CASK: variants seen among roughly 807,000 people sequenced by gnomAD.
CASK encodes calcium/calmodulin dependent serine protein kinase.
Under a neutral mutation model 82.9 loss-of-function variants are expected in CASK, and 4 were observed. The ratio of observed to expected loss-of-function variants is 0.05; its 90% CI spans 0.02 to 0.11. The LOEUF is 0.11. Among genes scored for constraint, CASK ranks in the 10% least tolerant of loss-of-function variants. The pLI is 1.00. For missense variants in CASK, 358 were observed against 720.9 expected (o/e 0.50, Z 5.76); for synonymous variants, 259 against 253.5 (o/e 1.02, Z -0.20).
intron 15 of CASK, among the ~76,000 whole-genome samples, chrX:41,570,438 G>A (rs1385587078): frequency 2.7e-5 from 3 of 111,568 alleles, no homozygotes; most frequent in Non-Finnish European, 5.6e-5. Context: ...TATTTAAAGT[G>A]TACAATTTGA....
rs889994250 is a variant in CASK at position 41,669,378 on chromosome X, C to A, written c.532+2050G>T. 8.1e-5 allele frequency among the ~76,000 whole-genome samples: 9 copies of A among 110,911 alleles called. No homozygotes were observed. In the Admixed American group the frequency reaches 8.6e-4, roughly 11 times the overall value. On this transcript the variant is annotated intron_variant, in intron 6 of 26. Transcript: ENST00000378163. ...TAAACATAATGCATCTATTTTCCCC[C>A]CCAGTCAAGATGTACAATAAAATAC...
intron 21 of CASK, among the ~76,000 whole-genome samples, chrX:41,546,123 G>A (rs969135458): frequency 2.7e-5 from 3 of 111,470 alleles, no homozygotes; most frequent in Admixed American, 1.9e-4. Context: ...ACGGGTGCCT[G>A]CCACCACGCC....
At chrX:41,535,048 G>T in intron 22 of CASK, 75 bp from the exon 23 acceptor site, 1 of 626,463 alleles carries the variant, frequency 1.6e-6, no homozygotes, top group South Asian at 2.6e-5. Context: ...TAATTTTACT[G>T]GCAAAACTAC....
At chrX:41,555,723 A>T (rs2065152200) in intron 19 of CASK, 88 bp from the exon 20 acceptor site, 5 of 653,480 alleles carry the variant, frequency 7.7e-6, no homozygotes, top group Middle Eastern at 6.3e-4. Flanking sequence ...CAATATGGTT[A>T]AAAAAATGAG....
intron 8 of CASK, chrX:41,660,197 CT>C (rs1360575974): frequency 4.7e-6 from 2 of 423,207 alleles, no homozygotes; most frequent in East Asian, 7.5e-5. Flanking sequence ...AGGCCTTCCC[CT>C]GATATATTCT....
intron 2 of CASK, among the ~76,000 whole-genome samples, chrX:41,794,661 G>A (rs2069808359): frequency 8.9e-6 from 1 of 112,243 alleles, no homozygotes; most frequent in African/African-American, 3.2e-5. Flanking sequence ...TGGGATGACA[G>A]AATGCATACA....
At chrX:41,809,628 A>G (rs867355065) in intron 2 of CASK, among the ~76,000 whole-genome samples, 2 of 112,006 alleles carry the variant, frequency 1.8e-5, no homozygotes, top group South Asian at 3.7e-4. Flanking sequence ...ATAAAACCAC[A>G]AAGATAGGGA....
chrX:41,798,136 A>G (rs909062922), intron 2 of CASK, among the ~76,000 whole-genome samples: 4 of 112,133 alleles, frequency 3.6e-5, no homozygotes, highest in Non-Finnish European at 7.5e-5. Flanking sequence ...CCATTTATGT[A>G]TGTGGATATT....
chrX:41,547,726 C>T (rs926642404), intron 21 of CASK, among the ~76,000 whole-genome samples: 1 of 109,715 alleles, frequency 9.1e-6, no homozygotes, highest in African/African-American at 3.3e-5. Flanking sequence ...GGGTCCAAGC[C>T]ATTCTCCTGC....
In CASK at chrX:41,915,156, C is replaced by A. The variant is rs932329624; in HGVS notation, c.59+7774G>T. Reference sequence around the variant, plus strand: ...ACCACGAGCCCTAGAGCAGTCAACCCCCAAGAACTTGTTCACTCAGTTTTA... The same window carrying A: ...ACCACGAGCCCTAGAGCAGTCAACCACCAAGAACTTGTTCACTCAGTTTTA... On this transcript the variant is annotated intron_variant, in intron 1 of 26. Transcript: ENST00000378163. Among the ~76,000 whole-genome samples the A allele has an allele frequency of 4.5e-5, 5 of 110,992 alleles. No individual in the cohort carries two copies. In the Admixed American group the frequency reaches 4.8e-4, roughly 11 times the overall value.
rs983798884 is a variant in CASK at position 41,555,518 on chromosome X, A to G, written c.1842+82T>C. 10 of 759,924 alleles carry G rather than the reference A, an allele frequency of 1.3e-5. No homozygotes were observed. The African/African-American group carries it at 1.9e-4, about 14-fold the overall frequency. The allele number at this position is 759,924 out of a possible 1,213,427, so 62.6% of individuals were successfully genotyped here. ...AAATGTTATGGTCCAAAATGCAAAC[A>G]TTATGGGATGGAAAGGGTTAATAAA... On this transcript the variant is annotated intron_variant, in intron 20 of 26. Transcript: ENST00000378163.
In CASK at chrX:41,559,788, C is replaced by G; in HGVS notation, c.1728G>C (p.Ser576=). ...KIVPSYRTQS[S]SCERDSPSTS... is the part of the protein sequence containing the mutation. ...TTGTTAGAGTCATTACCTCACAGGA[C>G]GAAGACTGAGTGCGGTAACTTGGCA... Residue 576 remains serine (S), a synonymous_variant, in exon 18 of 27, where the codon TCG becomes TCC. Transcript: ENST00000378163. The G allele has an allele frequency of 2.5e-6, 3 of 1,208,740 alleles. No homozygotes were observed. The highest frequency in any genetic ancestry group is 3.4e-6 in the Non-Finnish European group (3 of 892,898).
intron 12 of CASK, among the ~76,000 whole-genome samples, chrX:41,596,192 C>A (rs774805677): frequency 1.1e-4 from 9 of 81,809 alleles, no homozygotes; most frequent in Admixed American, 6.6e-4. Flanking sequence ...GAGACTCTGT[C>A]TCAAAAAAAA....
chrX:41,791,308 C>T (rs1189559792), intron 2 of CASK, among the ~76,000 whole-genome samples: 1 of 109,930 alleles, frequency 9.1e-6, no homozygotes, highest in South Asian at 3.9e-4. Flanking sequence ...CCTCCCCTCC[C>T]ACCCTTCCCC....
At chrX:41,792,969 T>A (rs1023890344) in intron 2 of CASK, among the ~76,000 whole-genome samples, 1 of 111,646 alleles carries the variant, frequency 9.0e-6, no homozygotes, top group East Asian at 2.8e-4. Flanking sequence ...TGATTGTGAG[T>A]TCTGTAATTC....
intron 18 of CASK, 192 bp downstream of exon 18, chrX:41,559,587 G>T: frequency 1.1e-5 from 5 of 475,977 alleles, no homozygotes; most frequent in Non-Finnish European, 1.9e-5. Flanking sequence ...GTGCTGAGGA[G>T]ATCCACATGG....
At chrX:41,922,877 G>T in intron 1 of CASK, 53 bp downstream of exon 1, 1 of 1,110,931 alleles carries the variant, frequency 9.0e-7, no homozygotes, top group South Asian at 1.8e-5. Context: ...GAAGACCGGG[G>T]CATCACTGAA....
intron 1 of CASK, among the ~76,000 whole-genome samples, chrX:41,863,367 G>A (rs2071529035): frequency 8.9e-6 from 1 of 111,842 alleles, no homozygotes; most frequent in South Asian, 3.8e-4. Context: ...TCAGGATACA[G>A]AGGACAGAGC....
intron 21 of CASK, among the ~76,000 whole-genome samples, chrX:41,547,659 G>A (rs1332880771): frequency 9.6e-6 from 1 of 103,847 alleles, no homozygotes; most frequent in African/African-American, 3.6e-5. Context: ...GTCTTGCTCT[G>A]TCGCCCAGGC....
Sources: gnomAD v4.1 joint callset for allele counts (sites outside exome capture counted in the v4.1 genomes callset) on GRCh38, gnomAD v4.1.1 for gene constraint, MANE v1.5 for transcripts, NCBI Gene and HGNC (gene_info 2026-07-23, HGNC 2026-07-21) for gene names.